Variants in MYCBP2 observed in about 807,000 individuals in gnomAD.
The protein encoded by MYCBP2 is E3 ubiquitin-protein ligase MYCBP2.
MYCBP2 carries 120 observed loss-of-function variants against 525.3 expected under a neutral mutation model. The observed-to-expected ratio is 0.23, with a 90% CI of 0.20 to 0.27. The LOEUF is 0.27. MYCBP2 is among the 10% of genes least tolerant of loss of function. The pLI is 1.00. For synonymous variants in MYCBP2, 1,894 were observed against 1,955.8 expected (o/e 0.97, Z 0.83); for missense variants, 4,149 against 5,657.1 (o/e 0.73, Z 8.55).
chr13:77,097,584 A>C lies in MYCBP2; in HGVS notation c.9570T>G (p.Cys3190Trp), dbSNP rs764735298. The C allele has an allele frequency of 1.2e-6, 2 of 1,613,488 alleles. No individual in the cohort carries two copies. The highest frequency in any genetic ancestry group is 1.7e-6 in the Non-Finnish European group (2 of 1,179,788). The change falls in exon 56 of 83, where the codon TGT becomes TGG. Residue 3190 changes from cysteine to tryptophan, a missense_variant. Cys to Trp is a radical substitution (Grantham distance 215, BLOSUM62 -2). Transcript: ENST00000544440. ...CACACTCTTTCTTTTTAAGAACTGC[A>C]CAGGAACCAGGACTTGGAAAAATCA... is the stretch of plus-strand genomic sequence containing the variant. ...QNMIFPSPGS[C>W]AVLKKKECEK...
chr13:77,060,344 AAT>A (rs2039043702), intron 76 of MYCBP2, among the ~76,000 whole-genome samples: 1 of 152,240 alleles, frequency 6.6e-6, no homozygotes, highest in African/African-American at 2.4e-5. Context: ...AACATTTATT[AAT>A]GCAGTATACA....
At chr13:77,322,137 C>A (rs185775406) in intron 1 of MYCBP2, among the ~76,000 whole-genome samples, 232 of 152,242 alleles carry the variant, frequency 1.5e-3, no homozygotes, top group African/African-American at 5.3e-3. Context: ...CTCCAGCCTG[C>A]CTCAAAATAA....
rs915482384 is a variant in MYCBP2, at chr13:77,178,241, G to A, written c.5134-287C>T. ...ACAAGCTTGTCTTATCAGTCATAAT[G>A]TATGAATAAATCATCAGACTTTGAA... On this transcript the variant is annotated intron_variant, in intron 34 of 82. Transcript: ENST00000544440. Among the ~76,000 whole-genome samples the A allele has an allele frequency of 5.9e-5, 9 of 152,138 alleles. 1 individual carries two copies. The highest frequency in any genetic ancestry group is 1.5e-5 in the Non-Finnish European group (1 of 68,020).
At chr13:77,150,298 AATTTT>A (rs1218577645) in intron 47 of MYCBP2, among the ~76,000 whole-genome samples, 3 of 152,226 alleles carry the variant, frequency 2.0e-5, no homozygotes, top group African/African-American at 7.2e-5. Context: ...AGTACTTAGA[AATTTT>A]ATTTTATTTT....
At chr13:77,242,650 A>C (rs2069072879) in intron 17 of MYCBP2, among the ~76,000 whole-genome samples, 4 of 152,222 alleles carry the variant, frequency 2.6e-5, no homozygotes, top group African/African-American at 9.6e-5. Context: ...GAGTAAGAAA[A>C]TAGAAATGAA....
intron 26 of MYCBP2, 61 bp from the exon 27 acceptor site, chr13:77,194,305 G>T: frequency 8.0e-7 from 1 of 1,245,472 alleles, no homozygotes; most frequent in Non-Finnish European, 1.2e-6. Flanking sequence ...GATGAACAAT[G>T]TGTTCATAAT....
chr13:77,049,254 A>G (rs1312007515), intron 82 of MYCBP2, among the ~76,000 whole-genome samples: 1 of 152,154 alleles, frequency 6.6e-6, no homozygotes. Flanking sequence ...CTGGCTTCAC[A>G]TCATTCTGGC....
intron 20 of MYCBP2, among the ~76,000 whole-genome samples, chr13:77,219,649 G>A (rs1297327137): frequency 1.3e-5 from 2 of 151,976 alleles, no homozygotes; most frequent in Admixed American, 6.6e-5. Flanking sequence ...GCAGAGAAGT[G>A]GTATGGATGG....
chr13:77,107,719 C>G (rs1274188554), intron 55 of MYCBP2, among the ~76,000 whole-genome samples: 1 of 151,772 alleles, frequency 6.6e-6, no homozygotes, highest in Admixed American at 6.6e-5. Context: ...GTGTGGGCGA[C>G]AGAGTGAAAT....
At position 77,177,888 on chromosome 13, in the gene MYCBP2, C is replaced by T; in HGVS notation, c.5200G>A (p.Gly1734Ser). ...CCGTTCCCAGTGTTCCAACTTCTGC[C>T]CTGACTTGTTTTTGTAAATCGGTTA... The part of the protein sequence containing the change: ...SANRFTKTSQ[G>S]RSWNTGNGSP... Residue 1734 changes from glycine (G) to serine (S), a missense_variant, in exon 35 of 83, where the codon GGC becomes AGC. Gly to Ser is a moderately conservative substitution (Grantham distance 56). Around this residue, in one of 21 missense-constraint regions of MYCBP2, gnomAD observed 54 missense variants for 117.0 expected, o/e 0.46. Transcript: ENST00000544440. 2 of 1,613,810 alleles carry T rather than the reference C, an allele frequency of 1.2e-6. No individual in the cohort carries two copies. The highest frequency in any genetic ancestry group is 1.7e-5 in the Admixed American group (1 of 60,008).
chr13:77,141,770 C>CAA (rs34124996), intron 49 of MYCBP2, among the ~76,000 whole-genome samples: 32 of 81,650 alleles, frequency 3.9e-4, no homozygotes, highest in Admixed American at 9.9e-4. Context: ...GACTCTGTCT[C>CAA]AAAAAAAAAA....
At chr13:77,294,011 T>C (rs1475031809) in intron 2 of MYCBP2, among the ~76,000 whole-genome samples, 1 of 149,346 alleles carries the variant, frequency 6.7e-6, no homozygotes, top group African/African-American at 2.5e-5. Flanking sequence ...GACTGGTATC[T>C]AACCTGGGTA....
intron 42 of MYCBP2, among the ~76,000 whole-genome samples, chr13:77,164,799 T>C (rs559878198): frequency 6.6e-6 from 1 of 152,274 alleles, no homozygotes; most frequent in East Asian, 1.9e-4. Context: ...GGTTTTATCT[T>C]ATTGTATGAT....
intron 56 of MYCBP2, 33 bp from the exon 57 acceptor site, chr13:77,096,514 C>G (rs749951611): frequency 6.8e-6 from 11 of 1,608,228 alleles, no homozygotes; most frequent in East Asian, 2.2e-5. Context: ...ATATTTAACA[C>G]TCCAAGTGTC....
At chr13:77,240,989 A>G (rs1398716530) in intron 17 of MYCBP2, among the ~76,000 whole-genome samples, 1 of 152,244 alleles carries the variant, frequency 6.6e-6, no homozygotes, top group Non-Finnish European at 1.5e-5. Flanking sequence ...TGTTCTATAT[A>G]TTTAGGACTG....
chr13:77,216,819 C>T (rs528500806), intron 21 of MYCBP2, among the ~76,000 whole-genome samples: 1 of 151,796 alleles, frequency 6.6e-6, no homozygotes, highest in South Asian at 2.1e-4. Context: ...GAAAGAAATG[C>T]CAAAAAATAA....
In MYCBP2 at chr13:77,265,855, T is replaced by C. The variant is rs544462466; in HGVS notation, c.1358-1853A>G. Among the ~76,000 whole-genome samples the C allele has an allele frequency of 5.3e-5, 8 of 152,332 alleles. No individual in the cohort carries two copies. In the South Asian group the frequency reaches 1.4e-3, roughly 28 times the overall value. On this transcript the variant is annotated intron_variant, in intron 8 of 82. Transcript: ENST00000544440. Reference sequence around the variant, plus strand: ...TATCCTTTCTTTATCCATCATGTAATATTTTAAGCTTGTATCTTCAGGAAT... The same window carrying C: ...TATCCTTTCTTTATCCATCATGTAACATTTTAAGCTTGTATCTTCAGGAAT...
At chr13:77,297,901 A>G (rs1034463975) in intron 1 of MYCBP2, among the ~76,000 whole-genome samples, 1 of 152,196 alleles carries the variant, frequency 6.6e-6, no homozygotes, top group African/African-American at 2.4e-5. Flanking sequence ...TCTTACCTGG[A>G]CCACTGCAAA....
chr13:77,174,262 A>G (rs896754319), intron 37 of MYCBP2, 49 bp downstream of exon 37: 6 of 1,578,156 alleles, frequency 3.8e-6, no homozygotes, highest in Non-Finnish European at 5.2e-6. Context: ...TAGACTGTGT[A>G]TGTTCTACCA....
Sources: allele counts gnomAD v4.1 joint callset (sites outside exome capture counted in the v4.1 genomes callset), GRCh38; gene constraint gnomAD v4.1.1; regional missense constraint gnomAD v4.1.1; transcripts MANE v1.5; gene names NCBI Gene and HGNC (gene_info 2026-07-23, HGNC 2026-07-21).